The following EYS variants were observed in gnomAD, a reference collection of about 807,000 sequenced individuals.
EYS encodes the protein EGF-like photoreceptor maintenance factor, also known as protein eyes shut homolog.
EYS carries 250 observed loss-of-function variants against 282.1 expected under a neutral mutation model. The observed-to-expected ratio is 0.89, with a 90% CI of 0.80 to 0.98. EYS has a LOEUF of 0.98. EYS is among the 50% of genes least tolerant of loss of function. The pLI, the probability that EYS is intolerant of heterozygous loss-of-function variation, is 0.00. For synonymous variants in EYS, 1,355 were observed against 1,282.9 expected, an observed-to-expected ratio of 1.06 and a Z score of -1.20; for missense variants, 4,016 against 3,709.0, an observed-to-expected ratio of 1.08 and a Z score of -2.15.
chr6:64,540,777 C>T (rs1218299805), intron 26 of EYS, among the ~76,000 whole-genome samples: 1 of 152,192 alleles, frequency 6.6e-6, no homozygotes, highest in Non-Finnish European at 1.5e-5. Context: ...AGCCATCATG[C>T]CCAGCCTACA....
At chr6:63,722,601 A>T (rs1303152335) in intron 42 of EYS, among the ~76,000 whole-genome samples, 1 of 152,244 alleles carries the variant, frequency 6.6e-6, no homozygotes, top group African/African-American at 2.4e-5. Context: ...CTTGAAGAGG[A>T]TAGCAAAATG....
intron 7 of EYS, among the ~76,000 whole-genome samples, chr6:65,400,048 T>C (rs1289560219): frequency 6.6e-6 from 1 of 152,008 alleles, no homozygotes; most frequent in African/African-American, 2.4e-5. Context: ...ATGGTTCAAG[T>C]ATCAACATGC....
chr6:64,008,297 C>T (rs925621515), intron 33 of EYS, among the ~76,000 whole-genome samples: 2 of 152,062 alleles, frequency 1.3e-5, no homozygotes, highest in Non-Finnish European at 2.9e-5. Context: ...AATAGCTACC[C>T]CTGCTGTTTT....
chr6:65,420,196 A>G (rs1767401810), intron 5 of EYS, among the ~76,000 whole-genome samples: 1 of 151,950 alleles, frequency 6.6e-6, no homozygotes, highest in African/African-American at 2.4e-5. Context: ...CATTTTGCCC[A>G]CAATAGAACT....
intron 29 of EYS, among the ~76,000 whole-genome samples, chr6:64,310,410 C>T (rs1352223696): frequency 6.6e-6 from 1 of 152,064 alleles, no homozygotes; most frequent in Non-Finnish European, 1.5e-5. Flanking sequence ...TGAAAAAGAA[C>T]AAAAACATGT....
chr6:63,907,873 G>T (rs897373552), intron 35 of EYS, among the ~76,000 whole-genome samples: 1 of 151,582 alleles, frequency 6.6e-6, no homozygotes, highest in African/African-American at 2.4e-5. Context: ...TGTAATATTT[G>T]CCTTTTGTTT....
chr6:65,386,057 G>T (rs1256578718), intron 7 of EYS, among the ~76,000 whole-genome samples: 1 of 151,794 alleles, frequency 6.6e-6, no homozygotes. Context: ...AGCAGGATCA[G>T]GTCTATGAAT....
intron 12 of EYS, among the ~76,000 whole-genome samples, chr6:65,127,369 G>A (rs115981502): frequency 2.4e-3 from 366 of 151,980 alleles, no homozygotes; most frequent in Admixed American, 5.0e-3. Flanking sequence ...TTTAATCAAC[G>A]TAACATTTTC....
intron 22 of EYS, among the ~76,000 whole-genome samples, chr6:64,724,245 A>C (rs150549336): frequency 1.3e-5 from 2 of 152,212 alleles, no homozygotes; most frequent in East Asian, 3.9e-4. Flanking sequence ...CCCAATCTGC[A>C]GTGTTGTGTT....
chr6:65,255,661 A>C (rs1039867318), intron 12 of EYS, among the ~76,000 whole-genome samples: 2 of 152,042 alleles, frequency 1.3e-5, no homozygotes, highest in Non-Finnish European at 2.9e-5. Flanking sequence ...AATAACAGGA[A>C]AAAATCAAAT....
intron 35 of EYS, among the ~76,000 whole-genome samples, chr6:63,880,105 C>T (rs757577061): frequency 2.2e-4 from 34 of 152,092 alleles, no homozygotes; most frequent in Non-Finnish European, 4.0e-4. Flanking sequence ...TGAGGGTCAA[C>T]TTGATTGGAT....
intron 28 of EYS, among the ~76,000 whole-genome samples, chr6:64,426,263 T>C (rs980155274): frequency 3.3e-5 from 5 of 152,222 alleles, no homozygotes; most frequent in African/African-American, 1.2e-4. Flanking sequence ...TTTGTACATG[T>C]TGTCCCAGAG....
rs114535600 is a variant in EYS, at chr6:63,929,378, C to A, written c.7055+55005G>T. Among the ~76,000 whole-genome samples the A allele has an allele frequency of 8.7e-4, 133 of 152,310 alleles. 1 individual carries two copies. The highest frequency in any genetic ancestry group is 3.1e-3 in the African/African-American group (129 of 41,572). On this transcript the variant is annotated intron_variant, in intron 35 of 42. Coordinates refer to ENST00000503581, the MANE Select transcript of EYS (RefSeq NM_001142800.2). ...AAGACACAGACAGCTGTTATATCCA[C>A]AGGAGAAGAAGCAACTGATGGAGTG...
intron 22 of EYS, among the ~76,000 whole-genome samples, chr6:64,699,953 T>C (rs1429959122): frequency 6.6e-6 from 1 of 151,840 alleles, no homozygotes; most frequent in African/African-American, 2.4e-5. Flanking sequence ...ATCCCCCATA[T>C]CTCTGATAAA....
chr6:64,634,006 T>C (rs372913177), intron 22 of EYS, among the ~76,000 whole-genome samples: 16 of 152,274 alleles, frequency 1.1e-4, no homozygotes, highest in Middle Eastern at 6.8e-3. Context: ...TTGTTTGAGA[T>C]AGAGTCGTGC....
intron 12 of EYS, among the ~76,000 whole-genome samples, chr6:65,294,744 A>G (rs1244186952): frequency 6.6e-6 from 1 of 151,878 alleles, no homozygotes; most frequent in Admixed American, 6.6e-5. Context: ...CTGCTTAACT[A>G]TATATTTACT....
At chr6:64,992,425 A>T in intron 14 of EYS, among the ~76,000 whole-genome samples, 1 of 151,898 alleles carries the variant, frequency 6.6e-6, no homozygotes, top group Admixed American at 6.6e-5. Flanking sequence ...AAATAAAAAA[A>T]GTTAAGAAAA....
At chr6:63,800,170 C>T (rs1281552229) in intron 37 of EYS, among the ~76,000 whole-genome samples, 1 of 152,156 alleles carries the variant, frequency 6.6e-6, no homozygotes, top group Non-Finnish European at 1.5e-5. Context: ...CTATCACTTA[C>T]GTATATCTTT....
At position 63,867,548 on chromosome 6, in the gene EYS, C is replaced by T. The variant is rs573646231; in HGVS notation, c.7056-3190G>A. ...TGTGCACCTACATCATGGATGGATC[C>T]ATGTGCCAAGTGGTGAATAAGACTC... On this transcript the variant is annotated intron_variant, in intron 35 of 42. Coordinates refer to ENST00000503581, the MANE Select transcript of EYS (RefSeq NM_001142800.2). Among the ~76,000 whole-genome samples, 3 of 152,256 alleles carry T rather than the reference C, an allele frequency of 2.0e-5. No individual in the cohort carries two copies. The South Asian group carries it at 6.2e-4, about 32-fold the overall frequency.
Sources: allele counts gnomAD v4.1 joint callset (sites outside exome capture counted in the v4.1 genomes callset), GRCh38; gene constraint gnomAD v4.1.1; transcripts MANE v1.5; gene names NCBI Gene and HGNC (gene_info 2026-07-23, HGNC 2026-07-21).